Variants in CHCHD6 observed in about 807,000 individuals in gnomAD.
The protein encoded by CHCHD6 is MICOS complex subunit MIC25.
Under a neutral mutation model 32.3 loss-of-function variants are expected in CHCHD6, and 28 were observed. That is an observed-to-expected ratio of 0.87 (90% confidence interval 0.64 to 1.19). The LOEUF is 1.19. CHCHD6 is among the 50% of genes most tolerant of loss of function. The probability of loss-of-function intolerance (pLI) is 0.00; values close to 1 mark genes in which losing one functional copy is unlikely to be tolerated. For synonymous variants in CHCHD6, 122 were observed against 117.5 expected (o/e 1.04, Z -0.25); for missense variants, 333 against 307.0 (o/e 1.08, Z -0.63).
At chr3:126,861,567 C>A (rs1023330771) in intron 5 of CHCHD6, among the ~76,000 whole-genome samples, 1 of 151,314 alleles carries the variant, frequency 6.6e-6, no homozygotes, top group African/African-American at 2.4e-5. Flanking sequence ...GCACCACCAC[C>A]TCATCCTCCT....
At chr3:126,907,319 G>A (rs1173125964) in intron 5 of CHCHD6, among the ~76,000 whole-genome samples, 1 of 152,208 alleles carries the variant, frequency 6.6e-6, no homozygotes, top group East Asian at 1.9e-4. Context: ...GCACAGTAGG[G>A]CATAGCCAAC....
intron 5 of CHCHD6, among the ~76,000 whole-genome samples, chr3:126,857,653 A>G (rs973901512): frequency 6.6e-6 from 1 of 152,216 alleles, no homozygotes; most frequent in African/African-American, 2.4e-5. Context: ...GGAATTAAAT[A>G]TAGGATTTCC....
At chr3:126,766,726 A>G (rs1937383822) in intron 4 of CHCHD6, 1 of 1,163,648 alleles carries the variant, frequency 8.6e-7, no homozygotes, top group Non-Finnish European at 1.3e-6. Flanking sequence ...GAGGTCCTGC[A>G]CTGCTTTTGG....
At chr3:126,760,114 C>G (rs569395994) in intron 4 of CHCHD6, among the ~76,000 whole-genome samples, 28 of 152,318 alleles carry the variant, frequency 1.8e-4, no homozygotes, top group Middle Eastern at 3.4e-3. Flanking sequence ...CACCTCCCAT[C>G]AGGCCCCACC....
At chr3:126,741,955 C>T (rs1490575854) in intron 4 of CHCHD6, among the ~76,000 whole-genome samples, 2 of 152,266 alleles carry the variant, frequency 1.3e-5, no homozygotes, top group East Asian at 1.9e-4. Context: ...TGATGCAGCT[C>T]CTGCCTAGAT....
intron 4 of CHCHD6, among the ~76,000 whole-genome samples, chr3:126,794,831 A>T (rs1938715917): frequency 6.6e-6 from 1 of 152,040 alleles, no homozygotes; most frequent in African/African-American, 2.4e-5. Flanking sequence ...GAAATGGGGG[A>T]CAGTGTATAC....
At chr3:126,947,632 C>T (rs914365169) in intron 6 of CHCHD6, among the ~76,000 whole-genome samples, 5 of 152,162 alleles carry the variant, frequency 3.3e-5, no homozygotes, top group Non-Finnish European at 7.3e-5. Context: ...TGGGAAGGCC[C>T]AGCTCACAGG....
chr3:126,726,709 T>A (rs1212827492), intron 1 of CHCHD6, among the ~76,000 whole-genome samples: 1 of 152,176 alleles, frequency 6.6e-6, no homozygotes, highest in Non-Finnish European at 1.5e-5. Flanking sequence ...TGGGTGGAGA[T>A]GTCCCAGAGA....
intron 4 of CHCHD6, among the ~76,000 whole-genome samples, chr3:126,820,904 G>A (rs935176163): frequency 6.6e-6 from 1 of 152,174 alleles, no homozygotes; most frequent in Non-Finnish European, 1.5e-5. Flanking sequence ...TTGTGCACCA[G>A]TAACCATTCT....
At chr3:126,932,487 A>G (rs896807171) in intron 6 of CHCHD6, among the ~76,000 whole-genome samples, 3 of 152,182 alleles carry the variant, frequency 2.0e-5, no homozygotes, top group African/African-American at 7.2e-5. Flanking sequence ...ACTGCCTCAA[A>G]GAGATCTGTT....
intron 3 of CHCHD6, 29 bp from the exon 4 acceptor site, chr3:126,733,049 C>G: frequency 6.2e-7 from 1 of 1,610,674 alleles, no homozygotes. Flanking sequence ...CCATCCACAT[C>G]TGTTTCTCCT....
intron 1 of CHCHD6, among the ~76,000 whole-genome samples, chr3:126,710,303 G>A (rs569917928): frequency 6.6e-6 from 1 of 152,130 alleles, no homozygotes; most frequent in Non-Finnish European, 1.5e-5. Context: ...TGATCTTTAT[G>A]TCTGTCCTTA....
chr3:126,754,057 A>C (rs1462134122), intron 4 of CHCHD6, among the ~76,000 whole-genome samples: 6 of 152,192 alleles, frequency 3.9e-5, no homozygotes, highest in African/African-American at 1.4e-4. Context: ...CCTGATCTGT[A>C]ATCTCTGGTT....
At chr3:126,725,797 T>C (rs1347357197) in intron 1 of CHCHD6, among the ~76,000 whole-genome samples, 1 of 152,232 alleles carries the variant, frequency 6.6e-6, no homozygotes, top group Non-Finnish European at 1.5e-5. Context: ...TTTACTTAAG[T>C]CTTATGAACC....
At chr3:126,831,393 T>C (rs1576468179) in intron 4 of CHCHD6, among the ~76,000 whole-genome samples, 1 of 152,184 alleles carries the variant, frequency 6.6e-6, no homozygotes, top group Non-Finnish European at 1.5e-5. Flanking sequence ...TAAGGCAGTG[T>C]TGGGCAAGCT....
At chr3:126,960,157 A>T (rs2078840926) in intron 7 of CHCHD6, 39 bp from the exon 8 acceptor site, 2 of 1,550,954 alleles carry the variant, frequency 1.3e-6, no homozygotes, top group Non-Finnish European at 1.7e-6. Context: ...GCATGGGCGG[A>T]GTGGGCCCTG....
intron 6 of CHCHD6, chr3:126,952,880 G>A (rs1331713392): frequency 1.3e-6 from 1 of 748,496 alleles, no homozygotes. Context: ...GGGGGCTCTG[G>A]GAGTCAGGCA....
chr3:126,790,462 A>G (rs757290021), intron 4 of CHCHD6, among the ~76,000 whole-genome samples: 11 of 152,332 alleles, frequency 7.2e-5, no homozygotes, highest in East Asian at 1.9e-4. Context: ...AGGTACACCA[A>G]TCAGACGTAG....
intron 4 of CHCHD6, among the ~76,000 whole-genome samples, chr3:126,734,875 C>G (rs149076521): frequency 6.6e-6 from 1 of 152,174 alleles, no homozygotes; most frequent in African/African-American, 2.4e-5. Flanking sequence ...AGGAGTTAAC[C>G]CTCAAAGTAG....
Sources: allele counts gnomAD v4.1 joint callset (sites outside exome capture counted in the v4.1 genomes callset), GRCh38; gene constraint gnomAD v4.1.1; transcripts MANE v1.5; gene names NCBI Gene and HGNC (gene_info 2026-07-23, HGNC 2026-07-21).